The following DOCK10 variants were observed in gnomAD, a reference collection of about 807,000 sequenced individuals.
DOCK10 encodes dedicator of cytokinesis protein 10.
DOCK10 carries 145 observed loss-of-function variants against 280.1 expected under a neutral mutation model. The ratio of observed to expected loss-of-function variants is 0.52; its 90% CI spans 0.45 to 0.59. DOCK10 has a LOEUF of 0.59. DOCK10 is among the 20% of genes least tolerant of loss of function. The pLI, the probability that DOCK10 is intolerant of heterozygous loss-of-function variation, is 0.00. For synonymous variants in DOCK10, 915 were observed against 942.2 expected (o/e 0.97, Z 0.53); for missense variants, 2,368 against 2,651.7 (o/e 0.89, Z 2.35).
intron 31 of DOCK10, among the ~76,000 whole-genome samples, chr2:224,811,600 AG>A (rs1693780013): frequency 6.6e-6 from 1 of 152,182 alleles, no homozygotes; most frequent in African/African-American, 2.4e-5. Flanking sequence ...GTTTTCTTCT[AG>A]GGTTTTTATG....
chr2:224,857,072 T>C, intron 14 of DOCK10, 90 bp from the exon 15 acceptor site: 1 of 1,095,984 alleles, frequency 9.1e-7, no homozygotes, highest in Non-Finnish European at 1.2e-6. Flanking sequence ...ACTTCTCATT[T>C]ATAATCAGAG....
At chr2:224,897,529 C>A (rs972621840) in intron 3 of DOCK10, among the ~76,000 whole-genome samples, 1 of 152,054 alleles carries the variant, frequency 6.6e-6, no homozygotes, top group Admixed American at 6.6e-5. Flanking sequence ...TTTTGGTACC[C>A]ATTAGCCATC....
rs534520475 is a variant in DOCK10, at chr2:225,009,151, C to T, written c.123+33101G>A. ...CTCTAGGGAGAGATGCTTGAAAAAC[C>T]AGGGTCGACGCCTAAGTAAGGGGGT... On this transcript the variant is annotated intron_variant, in intron 1 of 55. Transcript: ENST00000258390. Among the ~76,000 whole-genome samples the T allele has an allele frequency of 1.1e-4, 16 of 152,254 alleles. 1 individual carries two copies.
intron 47 of DOCK10, 150 bp from the exon 48 acceptor site, chr2:224,789,320 C>T (rs1396132124): frequency 7.3e-6 from 4 of 545,298 alleles, no homozygotes; most frequent in African/African-American, 1.9e-5. Flanking sequence ...TTGATAAATG[C>T]GCTCTGCCAG....
chr2:224,985,372 T>A (rs1182823006), intron 1 of DOCK10, among the ~76,000 whole-genome samples: 1 of 151,272 alleles, frequency 6.6e-6, no homozygotes, highest in Non-Finnish European at 1.5e-5. Context: ...ATATATTATA[T>A]TATATCATAT....
intron 3 of DOCK10, among the ~76,000 whole-genome samples, chr2:224,907,619 C>T (rs1028176800): frequency 5.4e-5 from 8 of 149,100 alleles, no homozygotes; most frequent in Admixed American, 2.7e-4. Context: ...ACCAGGGAGG[C>T]GGAGCTTGCA....
At chr2:224,885,583 G>A (rs772169678) in intron 7 of DOCK10, 88 bp downstream of exon 7, 127 of 1,314,348 alleles carry the variant, frequency 9.7e-5, no homozygotes, top group East Asian at 3.9e-4. Context: ...AGCAGCTCTT[G>A]GCTCATATCA....
chr2:224,920,344 G>A (rs1217146110), intron 2 of DOCK10, among the ~76,000 whole-genome samples: 1 of 151,520 alleles, frequency 6.6e-6, no homozygotes, highest in South Asian at 2.1e-4. Flanking sequence ...AAAGTGCTGG[G>A]ATTACAGGCA....
chr2:224,826,246 T>G (rs1458006885), intron 27 of DOCK10, among the ~76,000 whole-genome samples: 1 of 152,128 alleles, frequency 6.6e-6, no homozygotes, highest in East Asian at 1.9e-4. Flanking sequence ...GTATTTTTAA[T>G]AGAGATGGGG....
intron 3 of DOCK10, among the ~76,000 whole-genome samples, chr2:224,910,672 G>A (rs1385267958): frequency 1.3e-5 from 2 of 152,196 alleles, no homozygotes; most frequent in Admixed American, 1.3e-4. Context: ...AGCAATTGGG[G>A]TCAAGACTTT....
chr2:224,772,299 A>C (rs1215062386), intron 53 of DOCK10, among the ~76,000 whole-genome samples: 1 of 152,172 alleles, frequency 6.6e-6, no homozygotes, highest in Non-Finnish European at 1.5e-5. Flanking sequence ...TTAATACTTT[A>C]TTCCTTACAA....
chr2:224,998,090 C>T (rs568194447), intron 1 of DOCK10, among the ~76,000 whole-genome samples: 11 of 152,224 alleles, frequency 7.2e-5, no homozygotes, highest in East Asian at 1.9e-4. Flanking sequence ...AACACATGCC[C>T]GTATTTCGAT....
At chr2:224,965,280 T>C (rs1266240253) in intron 1 of DOCK10, among the ~76,000 whole-genome samples, 1 of 152,144 alleles carries the variant, frequency 6.6e-6, no homozygotes, top group Non-Finnish European at 1.5e-5. Flanking sequence ...GTGCCCAGAT[T>C]TCATGTTGTG....
chr2:224,844,911 A>G, intron 21 of DOCK10, 72 bp from the exon 22 acceptor site: 1 of 1,114,084 alleles, frequency 9.0e-7, no homozygotes, highest in Non-Finnish European at 1.3e-6. Flanking sequence ...TGTTTAGTTT[A>G]TGTTAATGTG....
intron 3 of DOCK10, among the ~76,000 whole-genome samples, chr2:224,907,741 T>G (rs1700745033): frequency 1.3e-5 from 2 of 151,984 alleles, no homozygotes. Context: ...AACAACTAAT[T>G]TATCTGATCT....
chr2:224,784,621 C>T, intron 50 of DOCK10: 7 of 973,820 alleles, frequency 7.2e-6, no homozygotes, highest in Non-Finnish European at 1.0e-5. Flanking sequence ...TTATCTCTCC[C>T]TTTGTACCAA....
chr2:224,937,019 AG>A (rs1373345933), intron 1 of DOCK10, among the ~76,000 whole-genome samples: 1 of 152,204 alleles, frequency 6.6e-6, no homozygotes, highest in African/African-American at 2.4e-5. Flanking sequence ...AAAGGAGACC[AG>A]GGAAAATAAT....
At chr2:224,939,705 A>G (rs1237311420) in intron 1 of DOCK10, among the ~76,000 whole-genome samples, 2 of 152,152 alleles carry the variant, frequency 1.3e-5, no homozygotes, top group African/African-American at 4.8e-5. Context: ...GCTTAACCTC[A>G]GATACTATCT....
Position 225,042,314 on chromosome 2 carries a change from C to T in DOCK10, c.61G>A (p.Glu21Lys), listed in dbSNP as rs996048019. 8.1e-6 allele frequency: 11 copies of T among 1,354,852 alleles called. No individual in the cohort carries two copies. The highest frequency in any genetic ancestry group is 9.5e-6 in the Non-Finnish European group (10 of 1,050,076). The allele number at this position is 1,354,852 out of a possible 1,614,324, so 83.9% of individuals were successfully genotyped here. ...RSLLRPGQAA[E>K]LRHSAASAAA... ...GCGGACGCGGCGCTGTGCCGGAGCT[C>T]GGCCGCCTGCCCAGGTCTCAACAGG... Residue 21 changes from glutamate (E) to lysine (K), a missense_variant, in exon 1 of 56, where the codon GAG becomes AAG. Transcript: ENST00000258390. The surrounding 1 kb of genome is among the most constrained non-coding windows in gnomAD (Gnocchi z 5.1).
Sources: allele counts gnomAD v4.1 joint callset (sites outside exome capture counted in the v4.1 genomes callset), GRCh38; gene constraint gnomAD v4.1.1; non-coding constraint Gnocchi (gnomAD v3.1); transcripts MANE v1.5; gene names NCBI Gene and HGNC (gene_info 2026-07-23, HGNC 2026-07-21).